The following MAF variants were observed in gnomAD, a reference collection of about 807,000 sequenced individuals.
MAF encodes the protein MAF bZIP transcription factor.
MAF carries 10 observed loss-of-function variants against 22.0 expected under a neutral mutation model. The observed-to-expected ratio is 0.45, with a 90% CI of 0.28 to 0.77. The LOEUF (loss-of-function observed/expected upper bound fraction) is 0.77. Among genes scored for constraint, MAF ranks in the 30% least tolerant of loss-of-function variants. The probability of loss-of-function intolerance (pLI) is 0.12; values close to 1 mark genes in which losing one functional copy is unlikely to be tolerated. For synonymous variants in MAF, 337 were observed against 255.8 expected (o/e 1.32, Z -3.03); for missense variants, 544 against 548.4 (o/e 0.99, Z 0.08).
At chr16:79,434,792 G>GA in the MAF span, among the ~76,000 whole-genome samples, 7 of 152,160 alleles carry the variant, frequency 4.6e-5, no homozygotes, top group African/African-American at 1.7e-4. Flanking sequence ...AGATTATAAA[G>GA]AAAAGAGTAG....
At chr16:79,443,095 G>T in the MAF span, among the ~76,000 whole-genome samples, 1 of 152,132 alleles carries the variant, frequency 6.6e-6, no homozygotes, top group African/African-American at 2.4e-5. Context: ...TCTGCTGGAG[G>T]GACTTTTCAA....
At chr16:79,569,892 A>G in the MAF span, among the ~76,000 whole-genome samples, 1 of 152,072 alleles carries the variant, frequency 6.6e-6, no homozygotes, top group African/African-American at 2.4e-5. Flanking sequence ...CAAACAATTG[A>G]CGTTGGCTTC....
the MAF span, among the ~76,000 whole-genome samples, chr16:79,422,465 C>A: frequency 6.6e-6 from 1 of 152,154 alleles, no homozygotes; most frequent in Admixed American, 6.5e-5. Flanking sequence ...CTGATTCCCA[C>A]CTTGACCATT....
the MAF span, among the ~76,000 whole-genome samples, chr16:79,557,017 T>A: frequency 6.7e-6 from 1 of 148,584 alleles, no homozygotes; most frequent in Admixed American, 6.7e-5. Flanking sequence ...AGGGGCTTGC[T>A]ATGTTGCCCA....
chr16:79,277,563 G>C, the MAF span, among the ~76,000 whole-genome samples: 1 of 152,122 alleles, frequency 6.6e-6, no homozygotes, highest in Non-Finnish European at 1.5e-5. Flanking sequence ...TCTGAGATTA[G>C]TACTATTAGT....
chr16:79,209,837 T>G, the MAF span, among the ~76,000 whole-genome samples: 1 of 152,172 alleles, frequency 6.6e-6, no homozygotes, highest in South Asian at 2.1e-4. Flanking sequence ...ATGTGCCAGG[T>G]GCTAAGCTCA....
chr16:79,256,877 A>C, the MAF span, among the ~76,000 whole-genome samples: 1 of 151,992 alleles, frequency 6.6e-6, no homozygotes, highest in African/African-American at 2.4e-5. Flanking sequence ...CACACACACA[A>C]ACCATAAACA....
At chr16:79,359,447 A>G in the MAF span, among the ~76,000 whole-genome samples, 7 of 152,178 alleles carry the variant, frequency 4.6e-5, no homozygotes, top group Non-Finnish European at 8.8e-5. Context: ...AAGATAGTCT[A>G]ATGCACTGTC....
At chr16:79,231,988 T>C in the MAF span, among the ~76,000 whole-genome samples, 1 of 152,026 alleles carries the variant, frequency 6.6e-6, no homozygotes, top group Admixed American at 6.6e-5. Flanking sequence ...ATCCCTTGCA[T>C]GCACAGTTTA....
the MAF span, among the ~76,000 whole-genome samples, chr16:79,336,460 A>G: frequency 2.0e-5 from 3 of 152,216 alleles, no homozygotes; most frequent in African/African-American, 7.2e-5. Context: ...TAGCTTCTTC[A>G]GGGATGCTGG....
In MAF at chr16:79,600,600, T is replaced by C. The variant is rs1448157646; in HGVS notation, c.-698A>G. 5.1e-6 allele frequency: 1 copy of C among 197,080 alleles called. No individual in the cohort carries two copies. Among genetic ancestry groups the C allele is most frequent in the African/African-American group, 2.4e-5 (1 of 42,238 alleles). 12.2% of individuals were successfully genotyped at this position (197,080 alleles called of 1,614,324 possible). A position where few individuals can be genotyped will look rare whatever the true frequency, so the allele number is the denominator to read the frequency against. On this transcript the variant is annotated 5_prime_UTR_variant, in exon 1 of 2. Coordinates refer to ENST00000326043, the MANE Select transcript of MAF (RefSeq NM_005360.5). ...GGGAGTTTAGTTCTTTCTTGCCTTT[T>C]TTTAAAAAAGCAAAATAGCGAAGTC... is the stretch of plus-strand genomic sequence containing the variant.
the MAF span, among the ~76,000 whole-genome samples, chr16:79,499,660 C>A: frequency 6.6e-6 from 1 of 152,290 alleles, no homozygotes; most frequent in East Asian, 1.9e-4. Flanking sequence ...GTAGAAGGCA[C>A]CATCCACGAA....
the MAF span, among the ~76,000 whole-genome samples, chr16:79,507,125 T>G: frequency 6.6e-6 from 1 of 151,742 alleles, no homozygotes; most frequent in East Asian, 1.9e-4. Context: ...TTTTTTTTTT[T>G]TTTTTTGAGA....
At chr16:79,566,503 T>A in the MAF span, among the ~76,000 whole-genome samples, 1 of 152,204 alleles carries the variant, frequency 6.6e-6, no homozygotes, top group African/African-American at 2.4e-5. Context: ...CTTGCCCACC[T>A]TTCAGTGCTA....
chr16:79,340,649 G>A, the MAF span, among the ~76,000 whole-genome samples: 4 of 152,022 alleles, frequency 2.6e-5, no homozygotes, highest in South Asian at 8.3e-4. Flanking sequence ...CACAGAGTGG[G>A]ATCTCTACCT....
the MAF span, among the ~76,000 whole-genome samples, chr16:79,272,857 C>A: frequency 6.6e-6 from 1 of 152,178 alleles, no homozygotes; most frequent in South Asian, 2.1e-4. Context: ...CACCTGTTTG[C>A]CAACTCCTAA....
At chr16:79,407,836 G>A in the MAF span, among the ~76,000 whole-genome samples, 7 of 152,214 alleles carry the variant, frequency 4.6e-5, no homozygotes, top group African/African-American at 1.7e-4. Context: ...TTTCATGAAT[G>A]CCTCAATTCC....
the MAF span, among the ~76,000 whole-genome samples, chr16:79,392,019 G>A: frequency 6.7e-6 from 1 of 149,366 alleles, no homozygotes; most frequent in South Asian, 2.2e-4. Flanking sequence ...AGTAAGGAAA[G>A]AGAGAGAGGG....
chr16:79,499,347 G>A, the MAF span, among the ~76,000 whole-genome samples: 51 of 152,276 alleles, frequency 3.3e-4, no homozygotes, highest in African/African-American at 1.1e-3. Context: ...CAAGGTGTCA[G>A]GAGTGAACAG....
Sources: allele counts gnomAD v4.1 joint callset (sites outside exome capture counted in the v4.1 genomes callset), GRCh38; gene constraint gnomAD v4.1.1; transcripts MANE v1.5; gene names NCBI Gene and HGNC (gene_info 2026-07-23, HGNC 2026-07-21).